Variants in DPP10 observed in about 807,000 individuals in gnomAD.
DPP10 encodes the protein inactive dipeptidyl peptidase 10.
A neutral mutation model predicts 120.9 loss-of-function variants in DPP10; 33 were observed. The observed-to-expected ratio is 0.27, with a 90% confidence interval of 0.21 to 0.37. DPP10 has a LOEUF of 0.37. DPP10 is among the 10% of genes least tolerant of loss of function. The pLI is 1.00. For synonymous variants in DPP10, 337 were observed against 326.1 expected (o/e 1.03, Z -0.36); for missense variants, 816 against 942.8 (o/e 0.87, Z 1.76).
At chr2:115,388,950 T>C (rs758807501) in intron 3 of DPP10, among the ~76,000 whole-genome samples, 4 of 152,110 alleles carry the variant, frequency 2.6e-5, no homozygotes, top group Non-Finnish European at 5.9e-5. Flanking sequence ...TTAAGCTTGG[T>C]TCAAGAGCTG....
chr2:115,238,238 A>G (rs1029584520), intron 1 of DPP10, among the ~76,000 whole-genome samples: 1 of 152,212 alleles, frequency 6.6e-6, no homozygotes, highest in African/African-American at 2.4e-5. Context: ...ACTGTGCTCT[A>G]CAAATGGAAC....
At chr2:114,810,004 T>C (rs1416709751) in intron 1 of DPP10, among the ~76,000 whole-genome samples, 1 of 152,148 alleles carries the variant, frequency 6.6e-6, no homozygotes, top group Non-Finnish European at 1.5e-5. Context: ...GGGACTCCCA[T>C]GTCTTTCAAT....
chr2:115,267,260 T>C (rs113173880), intron 1 of DPP10, among the ~76,000 whole-genome samples: 269 of 152,326 alleles, frequency 1.8e-3, no homozygotes, highest in African/African-American at 6.1e-3. Context: ...TGTGGTGTTA[T>C]GGGTCTGATT....
In DPP10 at chr2:115,462,313, C is replaced by T. The variant is rs193145679; in HGVS notation, c.272-37197C>T. Among the ~76,000 whole-genome samples, 193 of 152,248 alleles carry T rather than the reference C, an allele frequency of 1.3e-3. 1 individual carries two copies. The highest frequency in any genetic ancestry group is 4.5e-3 in the African/African-American group (189 of 41,558). ...TCCCCTGGAGTTACTGTTGTGCTTC[C>T]ATCTTAATTCAGGCTCCATTTATCT... On this transcript the variant is annotated intron_variant, in intron 3 of 25. Coordinates refer to ENST00000410059, the MANE Select transcript of DPP10 (RefSeq NM_020868.6).
intron 5 of DPP10, among the ~76,000 whole-genome samples, chr2:115,541,927 A>T (rs1187160890): frequency 2.6e-5 from 4 of 151,970 alleles, no homozygotes; most frequent in African/African-American, 9.7e-5. Context: ...ACTTTTAAGT[A>T]CAGACTCACA....
At chr2:115,733,539 A>G (rs1316619157) in intron 8 of DPP10, among the ~76,000 whole-genome samples, 1 of 151,532 alleles carries the variant, frequency 6.6e-6, no homozygotes, top group Non-Finnish European at 1.5e-5. Flanking sequence ...TGAGAAAGTT[A>G]TGAATAGAGA....
At chr2:115,814,080 CCTT>C (rs1182909203) in intron 19 of DPP10, among the ~76,000 whole-genome samples, 1 of 152,054 alleles carries the variant, frequency 6.6e-6, no homozygotes, top group Non-Finnish European at 1.5e-5. Context: ...TAAAATTGTA[CCTT>C]CTTTTCCCTG....
intron 1 of DPP10, among the ~76,000 whole-genome samples, chr2:115,271,579 A>G (rs1355724831): frequency 2.6e-5 from 4 of 152,210 alleles, no homozygotes; most frequent in African/African-American, 7.2e-5. Context: ...ACTAGGTATC[A>G]TTGCACAGCC....
chr2:114,698,423 C>T (rs2105802826), intron 1 of DPP10, among the ~76,000 whole-genome samples: 1 of 152,202 alleles, frequency 6.6e-6, no homozygotes, highest in South Asian at 2.1e-4. Flanking sequence ...CCAGAACAAT[C>T]CCAGCCAAGA....
At chr2:115,632,399 C>G (rs571003701) in intron 5 of DPP10, among the ~76,000 whole-genome samples, 1 of 152,190 alleles carries the variant, frequency 6.6e-6, no homozygotes, top group South Asian at 2.1e-4. Flanking sequence ...AGCATGTTTA[C>G]ATTTAAGGTT....
At chr2:115,757,948 A>G (rs1446486) in intron 11 of DPP10, among the ~76,000 whole-genome samples, 6,937 of 152,116 alleles carry the variant, frequency 0.046, 538 homozygotes, top group African/African-American at 0.16. Context: ...ATGTGCAAAC[A>G]CTCACCTTAT....
chr2:115,259,834 T>C (rs2059171851), intron 1 of DPP10, among the ~76,000 whole-genome samples: 1 of 152,128 alleles, frequency 6.6e-6, no homozygotes, highest in Non-Finnish European at 1.5e-5. Flanking sequence ...ATATATGATA[T>C]ATGCTATATA....
At chr2:114,457,041 G>A (rs747559036) in intron 1 of DPP10, among the ~76,000 whole-genome samples, 16 of 152,176 alleles carry the variant, frequency 1.1e-4, no homozygotes, top group East Asian at 1.9e-4. Flanking sequence ...TCGAGAAAGA[G>A]TTTGAGTTGA....
intron 3 of DPP10, among the ~76,000 whole-genome samples, chr2:115,351,298 C>A (rs890148208): frequency 9.9e-5 from 15 of 152,070 alleles, no homozygotes; most frequent in Admixed American, 3.3e-4. Flanking sequence ...CACATTCTCA[C>A]TTATAAGTGG....
intron 19 of DPP10, among the ~76,000 whole-genome samples, chr2:115,791,664 T>C (rs572443948): frequency 6.6e-6 from 1 of 152,320 alleles, no homozygotes; most frequent in Non-Finnish European, 1.5e-5. Flanking sequence ...TATCAGTTGT[T>C]TATGCAACAT....
At chr2:115,583,821 G>A (rs2082136102) in intron 5 of DPP10, among the ~76,000 whole-genome samples, 1 of 152,176 alleles carries the variant, frequency 6.6e-6, no homozygotes, top group Admixed American at 6.5e-5. Context: ...ATGAGGATAA[G>A]CATGCTGGTA....
intron 1 of DPP10, among the ~76,000 whole-genome samples, chr2:114,746,650 A>G (rs1174026818): frequency 6.6e-6 from 1 of 152,196 alleles, no homozygotes; most frequent in African/African-American, 2.4e-5. Flanking sequence ...CCTGAGAATG[A>G]TGCTAGAAAA....
At chr2:115,651,016 T>C (rs2087724058) in intron 5 of DPP10, among the ~76,000 whole-genome samples, 1 of 152,004 alleles carries the variant, frequency 6.6e-6, no homozygotes, top group African/African-American at 2.4e-5. Context: ...CATGCCACCA[T>C]ACCTTATGCT....
At chr2:114,947,427 T>C (rs1369987103) in intron 1 of DPP10, among the ~76,000 whole-genome samples, 1 of 151,854 alleles carries the variant, frequency 6.6e-6, no homozygotes. Context: ...TGAGAGTCAA[T>C]TTTTTTATGT....
Sources: gnomAD v4.1 joint callset for allele counts (sites outside exome capture counted in the v4.1 genomes callset) on GRCh38, gnomAD v4.1.1 for gene constraint, MANE v1.5 for transcripts, NCBI Gene and HGNC (gene_info 2026-07-23, HGNC 2026-07-21) for gene names.